Variants in PCBP3 observed in about 807,000 individuals in gnomAD.
PCBP3 encodes the protein poly(rC)-binding protein 3.
In PCBP3, 25 loss-of-function variants were observed where a neutral mutation model predicts 52.7. The ratio of observed to expected loss-of-function variants is 0.47; its 90% CI spans 0.35 to 0.66. The LOEUF (loss-of-function observed/expected upper bound fraction) is 0.66, where lower values mean the gene tolerates loss of function less well. Among genes scored for constraint, PCBP3 ranks in the 30% least tolerant of loss-of-function variants. The pLI is 0.01. For synonymous variants in PCBP3, 162 were observed against 183.0 expected (o/e 0.89, Z 0.93); for missense variants, 391 against 490.3 (o/e 0.80, Z 1.91).
chr21:45,673,154 G>T (rs983211735), intron 2 of PCBP3, among the ~76,000 whole-genome samples: 1 of 152,114 alleles, frequency 6.6e-6, no homozygotes, highest in Non-Finnish European at 1.5e-5. Context: ...ATTTATTTCT[G>T]TTGAAATATG....
chr21:45,713,735 T>G lies in PCBP3; in HGVS notation c.-199-21657T>G, dbSNP rs1322904091. Among the ~76,000 whole-genome samples the G allele has an allele frequency of 7.7e-4, 117 of 152,310 alleles. 2 individuals are homozygous for G. Among genetic ancestry groups the G allele is most frequent in the Non-Finnish European group, 1.5e-4 (10 of 68,018 alleles). On this transcript the variant is annotated intron_variant, in intron 2 of 17. Coordinates refer to ENST00000681687, the MANE Select transcript of PCBP3 (RefSeq NM_001384156.1). ...ACCTGCCATTCCAGCAGCCTCTCGA[T>G]GGTGCTGGTGCTGATGAGAATGACG...
chr21:45,697,638 G>A (rs554426306), intron 2 of PCBP3, among the ~76,000 whole-genome samples: 3 of 151,978 alleles, frequency 2.0e-5, no homozygotes, highest in Middle Eastern at 3.4e-3. Flanking sequence ...CAAGCTACTC[G>A]GAAGGCTGAG....
At chr21:45,666,178 G>A (rs1158585974) in intron 1 of PCBP3, among the ~76,000 whole-genome samples, 1 of 152,064 alleles carries the variant, frequency 6.6e-6, no homozygotes, top group Non-Finnish European at 1.5e-5. Flanking sequence ...ATGAGGAAAC[G>A]CCTAAAGCAT....
chr21:45,683,384 CTTAAA>C (rs896844605), intron 2 of PCBP3, among the ~76,000 whole-genome samples: 8 of 152,120 alleles, frequency 5.3e-5, no homozygotes, highest in Non-Finnish European at 1.0e-4. Flanking sequence ...CCTTTCCTTC[CTTAAA>C]TTAATCTTTA....
At chr21:45,756,531 CA>C (rs2088062986) in intron 4 of PCBP3, among the ~76,000 whole-genome samples, 1 of 152,124 alleles carries the variant, frequency 6.6e-6, no homozygotes, top group South Asian at 2.1e-4. Context: ...GGAGAATATG[CA>C]TGTTTTTAAA....
At chr21:45,672,994 G>T (rs554725477) in intron 2 of PCBP3, among the ~76,000 whole-genome samples, 15 of 152,206 alleles carry the variant, frequency 9.9e-5, no homozygotes, top group Non-Finnish European at 1.6e-4. Context: ...CTGGAGGCTG[G>T]GTGTGTGCAT....
At position 45,866,406 on chromosome 21, in the gene PCBP3, G is replaced by A. The variant is rs942136982; in HGVS notation, c.10+16311G>A. Among the ~76,000 whole-genome samples, 8 of 152,202 alleles carry A rather than the reference G, an allele frequency of 5.3e-5. 1 individual carries two copies. Among genetic ancestry groups the A allele is most frequent in the African/African-American group, 1.9e-4 (8 of 41,452 alleles). ...GGCCTGCCCCATCTGCCCTGATGCC[G>A]AGCAAAAGAGAGGCTCATGGAACGT... is the stretch of plus-strand genomic sequence containing the variant. On this transcript the variant is annotated intron_variant, in intron 5 of 17. Transcript: ENST00000681687.
In PCBP3 at chr21:45,816,083, A is replaced by ATGAGTGGTGAGTGGTGAG. The variant is rs1183363220; in HGVS notation, c.-125-33843_-125-33826dup. On this transcript the variant is annotated intron_variant, in intron 4 of 17. Coordinates refer to ENST00000681687, the MANE Select transcript of PCBP3 (RefSeq NM_001384156.1). ...GTGAGTGATGAGTGAGTGGTGAGTG[A>ATGAGTGGTGAGTGGTGAG]TGAGTGGTGAGTGGTGAGTGAGTGG... Among the ~76,000 whole-genome samples, 320 of 57,002 alleles carry ATGAGTGGTGAGTGGTGAG rather than the reference A, an allele frequency of 5.6e-3. 5 individuals are homozygous for ATGAGTGGTGAGTGGTGAG. The highest frequency in any genetic ancestry group is 0.023 in the Middle Eastern group (1 of 44). The allele number at this position is 57,002 out of a possible 152,430, so 37.4% of individuals were successfully genotyped here. A position where few individuals can be genotyped will look rare whatever the true frequency, so the allele number is the denominator to read the frequency against.
At chr21:45,712,600 T>C (rs1301517506) in intron 2 of PCBP3, among the ~76,000 whole-genome samples, 3 of 152,226 alleles carry the variant, frequency 2.0e-5, no homozygotes, top group Non-Finnish European at 4.4e-5. Flanking sequence ...ACTGACACTG[T>C]ACACGTTGGT....
chr21:45,813,796 A>G (rs557589659), intron 4 of PCBP3, among the ~76,000 whole-genome samples: 2 of 152,360 alleles, frequency 1.3e-5, no homozygotes, highest in South Asian at 4.1e-4. Context: ...GTACCTGCCC[A>G]ATAACCCCAA....
At chr21:45,722,848 T>TA (rs200524587) in intron 2 of PCBP3, among the ~76,000 whole-genome samples, 337 of 149,852 alleles carry the variant, frequency 2.2e-3, no homozygotes, top group Non-Finnish European at 4.0e-3. Context: ...CTGAAAATAT[T>TA]AAAAAAAAAC....
intron 2 of PCBP3, among the ~76,000 whole-genome samples, chr21:45,729,977 T>C (rs937752444): frequency 2.0e-5 from 3 of 152,058 alleles, no homozygotes; most frequent in Non-Finnish European, 4.4e-5. Flanking sequence ...TTGCCCAGGC[T>C]GGTCTCAAAC....
chr21:45,896,128 T>G, intron 5 of PCBP3, 80 bp from the exon 6 acceptor site: 1 of 1,360,690 alleles, frequency 7.3e-7, no homozygotes, highest in Non-Finnish European at 1.0e-6. Context: ...GAGGCCGGAG[T>G]GGGAGCGGCC....
chr21:45,842,526 T>G (rs1019943954), intron 4 of PCBP3, among the ~76,000 whole-genome samples: 1 of 152,242 alleles, frequency 6.6e-6, no homozygotes, highest in African/African-American at 2.4e-5. Flanking sequence ...TTCTAGCATC[T>G]CTGTTATCTC....
intron 5 of PCBP3, among the ~76,000 whole-genome samples, chr21:45,878,813 C>G (rs567889559): frequency 2.6e-5 from 4 of 152,332 alleles, no homozygotes; most frequent in African/African-American, 7.2e-5. Flanking sequence ...AATAGGAACC[C>G]TCAGCCTCTC....
intron 1 of PCBP3, among the ~76,000 whole-genome samples, chr21:45,660,810 G>A (rs981762120): frequency 1.3e-5 from 2 of 152,028 alleles, no homozygotes; most frequent in Admixed American, 6.6e-5. Flanking sequence ...AGGCCGACGC[G>A]GACAGATCAC....
chr21:45,891,901 C>T (rs892850127), intron 5 of PCBP3, among the ~76,000 whole-genome samples: 4 of 152,214 alleles, frequency 2.6e-5, no homozygotes, highest in Non-Finnish European at 5.9e-5. Context: ...GTCTCAATTG[C>T]CCTGTGCCTG....
At chr21:45,914,190 G>A (rs913924410) in intron 12 of PCBP3, 165 bp downstream of exon 12, 15 of 1,202,508 alleles carry the variant, frequency 1.2e-5, no homozygotes, top group Middle Eastern at 2.0e-4. Flanking sequence ...CCAGGCGGAC[G>A]CAGGGGGCCT....
intron 1 of PCBP3, among the ~76,000 whole-genome samples, chr21:45,666,231 CACCCTTA>C (rs1328642048): frequency 6.6e-6 from 1 of 152,116 alleles, no homozygotes; most frequent in African/African-American, 2.4e-5. Context: ...CCATTTTCAC[CACCCTTA>C]TTCATCATAA....
Sources: allele counts gnomAD v4.1 joint callset (sites outside exome capture counted in the v4.1 genomes callset), GRCh38; gene constraint gnomAD v4.1.1; transcripts MANE v1.5; gene names NCBI Gene and HGNC (gene_info 2026-07-23, HGNC 2026-07-21).